ANK2: variants seen among roughly 807,000 people sequenced by gnomAD.
ANK2 encodes ankyrin-2.
A neutral mutation model predicts 360.5 loss-of-function variants in ANK2; 83 were observed. The ratio of observed to expected loss-of-function variants is 0.23; its 90% CI spans 0.19 to 0.28. The LOEUF (loss-of-function observed/expected upper bound fraction) is 0.28. Among genes scored for constraint, ANK2 ranks in the 10% least tolerant of loss-of-function variants. The probability of loss-of-function intolerance (pLI) is 1.00; values close to 1 mark genes in which losing one functional copy is unlikely to be tolerated. For synonymous variants in ANK2, 1,740 were observed against 1,759.5 expected (o/e 0.99, Z 0.28); for missense variants, 4,201 against 4,795.7 (o/e 0.88, Z 3.66).
intron 31 of ANK2, among the ~76,000 whole-genome samples, chr4:113,337,607 A>AT (rs1368369661): frequency 2.0e-5 from 3 of 151,986 alleles, no homozygotes; most frequent in African/African-American, 7.2e-5. Flanking sequence ...TAGAATTATT[A>AT]TTTTCATTTC....
At chr4:112,842,308 C>G (rs900551652) in intron 1 of ANK2, among the ~76,000 whole-genome samples, 1 of 152,170 alleles carries the variant, frequency 6.6e-6, no homozygotes, top group Non-Finnish European at 1.5e-5. Flanking sequence ...CCACGCCCGG[C>G]CCAAATTATT....
In ANK2 at chr4:113,356,942, A is replaced by G. The variant is rs534934297; in HGVS notation, c.8324A>G (p.His2775Arg). 5.0e-5 allele frequency: 81 copies of G among 1,614,078 alleles called. No individual in the cohort carries two copies. In the East Asian group the frequency reaches 6.5e-4, roughly 13 times the overall value. Reference sequence around the variant, plus strand: ...GATCAGCCAAAAATCTGTGATGGCCATGGATGTGAGGCCATGAGTCCTAGC... The same window carrying G: ...GATCAGCCAAAAATCTGTGATGGCCGTGGATGTGAGGCCATGAGTCCTAGC... ...DTDQPKICDG[H>R]GCEAMSPSSS... Residue 2775 changes from histidine (H) to arginine (R), a missense_variant, in exon 38 of 46, where the codon CAT (histidine) becomes CGT (arginine). Physicochemically the swap from His to Arg is conservative, Grantham distance 29. Coordinates refer to ENST00000357077, the MANE Select transcript of ANK2 (RefSeq NM_001148.6).
intron 7 of ANK2, 145 bp downstream of exon 7, chr4:113,237,767 C>A (rs1297549640): frequency 4.1e-6 from 3 of 740,596 alleles, no homozygotes; most frequent in East Asian, 2.6e-5. Context: ...ATAATGAAGG[C>A]AAACTGATAA....
At chr4:113,181,195 G>C (rs1178946608) in intron 2 of ANK2, among the ~76,000 whole-genome samples, 1 of 152,130 alleles carries the variant, frequency 6.6e-6, no homozygotes, top group East Asian at 1.9e-4. Context: ...AAAATGCTGG[G>C]AGTAGCTTCA....
intron 2 of ANK2, among the ~76,000 whole-genome samples, chr4:113,003,556 G>A (rs1348753186): frequency 2.0e-5 from 3 of 152,144 alleles, no homozygotes; most frequent in Non-Finnish European, 4.4e-5. Context: ...CAATGCAACA[G>A]AAGAGAAAGT....
rs372172586 is a variant in ANK2, at chr4:113,346,524, TTAAC to T, written c.4371+505_4371+508del. On this transcript the variant is annotated intron_variant, in intron 35 of 45. Coordinates refer to ENST00000357077, the MANE Select transcript of ANK2 (RefSeq NM_001148.6). ...GTGATATTTTATTTTTTCTAAGTAATTAACTATTAATCTTCGAACTTATCATATT... is the reference window on the plus strand; with the variant it reads ...GTGATATTTTATTTTTTCTAAGTAATTATTAATCTTCGAACTTATCATATT... Among the ~76,000 whole-genome samples, 577 of 152,272 alleles carry T rather than the reference TTAAC, an allele frequency of 3.8e-3. 3 individuals carry two copies. The highest frequency in any genetic ancestry group is 6.3e-3 in the Admixed American group (97 of 15,282).
intron 2 of ANK2, among the ~76,000 whole-genome samples, chr4:113,177,593 G>T (rs539441395): frequency 6.6e-6 from 1 of 152,260 alleles, no homozygotes; most frequent in Non-Finnish European, 1.5e-5. Context: ...TACATTAATT[G>T]TATGAAAGGT....
intron 2 of ANK2, among the ~76,000 whole-genome samples, chr4:112,925,823 A>G (rs956987397): frequency 6.6e-6 from 1 of 152,012 alleles, no homozygotes; most frequent in African/African-American, 2.4e-5. Flanking sequence ...CCATTATTCC[A>G]CAGTTGGATG....
chr4:113,184,642 T>C (rs1271577959), intron 2 of ANK2, among the ~76,000 whole-genome samples: 1 of 152,204 alleles, frequency 6.6e-6, no homozygotes, highest in Non-Finnish European at 1.5e-5. Context: ...CCAGCCCTTT[T>C]GCAGTAGCTG....
chr4:113,057,958 G>A (rs1218007361), intron 1 of ANK2, among the ~76,000 whole-genome samples: 2 of 152,054 alleles, frequency 1.3e-5, no homozygotes, highest in Non-Finnish European at 2.9e-5. Context: ...CACTTTGCAG[G>A]CTGACTTTGA....
chr4:112,754,099 A>G, the ANK2 span, among the ~76,000 whole-genome samples: 3 of 106,002 alleles, frequency 2.8e-5, no homozygotes, highest in Non-Finnish European at 5.3e-5. Flanking sequence ...CTCTGTCTCA[A>G]AAAAAAAAAA....
intron 1 of ANK2, among the ~76,000 whole-genome samples, chr4:113,137,510 AG>A (rs1442265840): frequency 6.6e-6 from 1 of 152,254 alleles, no homozygotes; most frequent in East Asian, 1.9e-4. Context: ...TTAAATACTA[AG>A]GAACTGGTAG....
intron 2 of ANK2, chr4:112,904,565 C>T (rs1300583331): frequency 2.6e-5 from 34 of 1,327,328 alleles, no homozygotes; most frequent in South Asian, 1.5e-4. Flanking sequence ...TAAAAAGACA[C>T]GGAGGTTAGA....
intron 2 of ANK2, among the ~76,000 whole-genome samples, chr4:112,931,998 A>G (rs1561155482): frequency 6.6e-6 from 1 of 152,218 alleles, no homozygotes; most frequent in Non-Finnish European, 1.5e-5. Flanking sequence ...ATAGAATATT[A>G]TAGTGCTCCT....
chr4:112,983,221 T>C (rs2043678029), intron 2 of ANK2, among the ~76,000 whole-genome samples: 1 of 152,180 alleles, frequency 6.6e-6, no homozygotes. Context: ...CGTATTTCAT[T>C]GCCTTCAGCA....
the ANK2 span, among the ~76,000 whole-genome samples, chr4:112,763,226 ATTT>A: frequency 6.9e-6 from 1 of 144,794 alleles, no homozygotes; most frequent in Non-Finnish European, 1.5e-5. Flanking sequence ...CACCTGGCTA[ATTT>A]TTTTTTTTTT....
At chr4:113,035,300 G>A (rs548019368) in intron 2 of ANK2, among the ~76,000 whole-genome samples, 1 of 151,900 alleles carries the variant, frequency 6.6e-6, no homozygotes, top group Non-Finnish European at 1.5e-5. Flanking sequence ...TAGACAAGAA[G>A]TGGCATAGTG....
intron 1 of ANK2, among the ~76,000 whole-genome samples, chr4:113,171,467 C>G (rs2097947358): frequency 6.6e-6 from 1 of 152,156 alleles, no homozygotes. Flanking sequence ...TTATTTCTGT[C>G]TTTGGAATTT....
At chr4:113,189,439 C>T (rs2098611604) in intron 2 of ANK2, among the ~76,000 whole-genome samples, 1 of 152,060 alleles carries the variant, frequency 6.6e-6, no homozygotes, top group South Asian at 2.1e-4. Flanking sequence ...GAAATATAGA[C>T]TTGGTTTCTA....
Sources: allele counts gnomAD v4.1 joint callset (sites outside exome capture counted in the v4.1 genomes callset), GRCh38; gene constraint gnomAD v4.1.1; transcripts MANE v1.5; gene names NCBI Gene and HGNC (gene_info 2026-07-23, HGNC 2026-07-21).